SGSM2: variants seen among roughly 807,000 people sequenced by gnomAD.
SGSM2 encodes the protein small G protein signaling modulator 2, also known as RUN and TBC1 domain containing 1.
A neutral mutation model predicts 126.6 loss-of-function variants in SGSM2; 89 were observed. The observed-to-expected ratio is 0.70, with a 90% CI of 0.59 to 0.84. SGSM2 has a LOEUF of 0.84. Among genes scored for constraint, SGSM2 ranks in the 40% least tolerant of loss-of-function variants. SGSM2 has a pLI of 0.00. For missense variants in SGSM2, 1,404 were observed against 1,416.6 expected (o/e 0.99, Z 0.14); for synonymous variants, 614 against 574.3 (o/e 1.07, Z -0.99).
intron 12 of SGSM2, among the ~76,000 whole-genome samples, chr17:2,370,953 A>G (rs2065839187): frequency 6.6e-6 from 1 of 152,210 alleles, no homozygotes. Flanking sequence ...CCCTCTAGAA[A>G]AGCAAGTGCT....
chr17:2,351,252 CAAA>C (rs547956009), intron 2 of SGSM2, among the ~76,000 whole-genome samples: 2 of 135,386 alleles, frequency 1.5e-5, no homozygotes, highest in Non-Finnish European at 1.6e-5. Context: ...GACTCAGTCT[CAAA>C]AAAAAAAAAA....
In SGSM2 at chr17:2,376,193, G is replaced by C; in HGVS notation, c.2541G>C (p.Gln847His). 6.2e-7 allele frequency: 1 copy of C among 1,614,124 alleles called. No individual in the cohort carries two copies. Among genetic ancestry groups the C allele is most frequent in the Non-Finnish European group, 8.5e-7 (1 of 1,180,030 alleles). Residue 847 changes from glutamine (Q) to histidine (H), a missense_variant, in exon 19 of 24, where the codon CAG (glutamine) becomes CAC (histidine). Physicochemically the swap from Gln to His is conservative, Grantham distance 24 (BLOSUM62 0). Transcript: ENST00000268989. ...LNLHRIDKDVQRCDRNYWYFT... is the reference protein window; with the variant it reads ...LNLHRIDKDVHRCDRNYWYFT... ...TGCACCGCATAGACAAGGATGTGCAGAGGTGTGACCGCAACTACTGGTACT... is the reference window on the plus strand; with the variant it reads ...TGCACCGCATAGACAAGGATGTGCACAGGTGTGACCGCAACTACTGGTACT...
At chr17:2,346,784 T>C (rs2064614574) in intron 2 of SGSM2, among the ~76,000 whole-genome samples, 1 of 152,018 alleles carries the variant, frequency 6.6e-6, no homozygotes, top group South Asian at 2.1e-4. Context: ...GCTAGGAGAA[T>C]GGACTCAAAA....
At chr17:2,339,165 C>T (rs554704619) in intron 1 of SGSM2, among the ~76,000 whole-genome samples, 1 of 152,066 alleles carries the variant, frequency 6.6e-6, no homozygotes, top group Non-Finnish European at 1.5e-5. Context: ...CGGTGGCTTA[C>T]GCCTGTAATC....
chr17:2,348,046 G>C (rs558557756), intron 2 of SGSM2, among the ~76,000 whole-genome samples: 3 of 152,140 alleles, frequency 2.0e-5, no homozygotes, highest in African/African-American at 7.2e-5. Context: ...GCTGTAATTC[G>C]AGAAGGGTGG....
chr17:2,371,505 G>A (rs1013997506), intron 13 of SGSM2, 90 bp downstream of exon 13: 11 of 1,452,268 alleles, frequency 7.6e-6, no homozygotes, highest in Admixed American at 2.3e-5. Context: ...TCACCTGCAC[G>A]ACAGGGTGGC....
chr17:2,340,808 T>G (rs898176975), intron 1 of SGSM2, among the ~76,000 whole-genome samples: 2 of 152,112 alleles, frequency 1.3e-5, no homozygotes, highest in Non-Finnish European at 2.9e-5. Context: ...ATGGTCTCGA[T>G]CTCCTGACCT....
chr17:2,366,023 C>T (rs1030190984), intron 11 of SGSM2, among the ~76,000 whole-genome samples: 6 of 152,264 alleles, frequency 3.9e-5, no homozygotes, highest in East Asian at 3.9e-4. Flanking sequence ...GGGTTACAGG[C>T]GTGACCACTG....
At chr17:2,339,705 CTCAAA>C (rs2064262945) in intron 1 of SGSM2, among the ~76,000 whole-genome samples, 1 of 141,864 alleles carries the variant, frequency 7.0e-6, no homozygotes, top group African/African-American at 2.6e-5. Flanking sequence ...AACACTCCAT[CTCAAA>C]AAAAAAAAAA....
chr17:2,357,099 T>C (rs1750186901), intron 2 of SGSM2, among the ~76,000 whole-genome samples: 1 of 152,112 alleles, frequency 6.6e-6, no homozygotes, highest in South Asian at 2.1e-4. Flanking sequence ...CAGAACTTGA[T>C]GGCTTTGAGG....
chr17:2,343,432 A>G, intron 1 of SGSM2, 113 bp from the exon 2 acceptor site: 1 of 944,920 alleles, frequency 1.1e-6, no homozygotes, highest in Non-Finnish European at 1.7e-6. Context: ...CATCTCTGCA[A>G]GTGTCTGAAA....
At chr17:2,377,658 G>T in intron 21 of SGSM2, 199 bp from the exon 22 acceptor site, 1 of 479,028 alleles carries the variant, frequency 2.1e-6, no homozygotes. Flanking sequence ...ATGGGTGATG[G>T]GAGGGGCAGC....
At chr17:2,361,873 C>G (rs2065324229) in intron 3 of SGSM2, 74 bp downstream of exon 3, 4 of 1,507,420 alleles carry the variant, frequency 2.7e-6, no homozygotes, top group Admixed American at 4.0e-5. Flanking sequence ...CCTAGGACAC[C>G]CATCGGAAAG....
chr17:2,358,697 G>GT (rs1358997208), intron 2 of SGSM2, among the ~76,000 whole-genome samples: 1 of 146,776 alleles, frequency 6.8e-6, no homozygotes, highest in Non-Finnish European at 1.5e-5. Flanking sequence ...AGGCAATAGA[G>GT]TGAGACCCGG....
intron 12 of SGSM2, among the ~76,000 whole-genome samples, chr17:2,368,190 T>G (rs1053620545): frequency 5.9e-5 from 9 of 152,256 alleles, no homozygotes; most frequent in African/African-American, 1.9e-4. Context: ...TCACCTTTGT[T>G]GGAGGTGATA....
intron 12 of SGSM2, among the ~76,000 whole-genome samples, chr17:2,369,011 G>A (rs1364066120): frequency 6.6e-6 from 1 of 152,226 alleles, no homozygotes; most frequent in East Asian, 1.9e-4. Flanking sequence ...GGGGTCCAGA[G>A]GCCTCAGGGC....
intron 2 of SGSM2, among the ~76,000 whole-genome samples, chr17:2,359,930 C>G (rs866477065): frequency 7.2e-5 from 11 of 152,274 alleles, no homozygotes; most frequent in Non-Finnish European, 7.4e-5. Context: ...TGCAGCAGCC[C>G]AGGACCAAGA....
intron 1 of SGSM2, among the ~76,000 whole-genome samples, chr17:2,341,120 T>TG (rs1015295753): frequency 6.6e-6 from 1 of 151,960 alleles, no homozygotes; most frequent in Admixed American, 6.6e-5. Flanking sequence ...AGGAAGTTTT[T>TG]TTTGTTTGTT....
intron 17 of SGSM2, 38 bp from the exon 18 acceptor site, chr17:2,375,454 T>C: frequency 5.1e-6 from 8 of 1,569,890 alleles, no homozygotes; most frequent in Non-Finnish European, 6.9e-6. Context: ...GGGAAGGTGC[T>C]GGAGTGCAGG....
Sources: allele counts gnomAD v4.1 joint callset (sites outside exome capture counted in the v4.1 genomes callset), GRCh38; gene constraint gnomAD v4.1.1; transcripts MANE v1.5; gene names NCBI Gene and HGNC (gene_info 2026-07-23, HGNC 2026-07-21).